Variants in CADPS observed in about 807,000 individuals in gnomAD.
CADPS encodes calcium-dependent secretion activator 1.
A neutral mutation model predicts 167.3 loss-of-function variants in CADPS; 57 were observed. The observed-to-expected ratio is 0.34, with a 90% CI of 0.28 to 0.42. CADPS has a LOEUF of 0.42. CADPS is among the 20% of genes least tolerant of loss of function. The pLI is 1.00. For synonymous variants in CADPS, 676 were observed against 635.3 expected, an observed-to-expected ratio of 1.06 and a Z score of -0.96; for missense variants, 1,414 against 1,738.1, an observed-to-expected ratio of 0.81 and a Z score of 3.32.
chr3:62,525,479 C>T lies in CADPS; in HGVS notation c.2292-7229G>A, dbSNP rs940634941. On this transcript the variant is annotated intron_variant, in intron 13 of 29. Coordinates refer to ENST00000383710, the MANE Select transcript of CADPS (RefSeq NM_003716.4). ...GGCCAGCCAGCAACATGCTCATGTTCACAAGTGCAATAATCTTTGTGTTCA... is the reference window on the plus strand; with the variant it reads ...GGCCAGCCAGCAACATGCTCATGTTTACAAGTGCAATAATCTTTGTGTTCA... Among the ~76,000 whole-genome samples, 35 of 152,102 alleles carry T rather than the reference C, an allele frequency of 2.3e-4. 1 individual carries two copies. Among genetic ancestry groups the T allele is most frequent in the Admixed American group, 2.3e-3 (35 of 15,268 alleles).
rs138816232 is a variant in CADPS at position 62,867,823 on chromosome 3, T to G, written c.441+6766A>C. 8.9e-3 allele frequency among the ~76,000 whole-genome samples: 1,348 copies of G among 152,182 alleles called. 20 individuals carry two copies. The highest frequency in any genetic ancestry group is 0.03 in the African/African-American group (1,248 of 41,546). The stretch of plus-strand genomic sequence containing the variant: ...ATTTTAACAGCTTTACTATATTATC[T>G]CAATTAATTTTCACAAAAACCCAAT... On this transcript the variant is annotated intron_variant, in intron 1 of 29. Transcript: ENST00000383710.
chr3:62,756,969 T>G (rs952080737), intron 2 of CADPS, among the ~76,000 whole-genome samples: 1 of 152,024 alleles, frequency 6.6e-6, no homozygotes, highest in Non-Finnish European at 1.5e-5. Flanking sequence ...TGGAAAGCCA[T>G]TGAAAGTTTT....
chr3:62,712,545 A>G (rs573739507), intron 3 of CADPS, among the ~76,000 whole-genome samples: 3 of 152,246 alleles, frequency 2.0e-5, no homozygotes, highest in African/African-American at 7.2e-5. Context: ...GCGTTTCTTA[A>G]ATGATGAATT....
intron 9 of CADPS, among the ~76,000 whole-genome samples, chr3:62,558,619 T>C (rs2078609244): frequency 6.6e-6 from 1 of 152,128 alleles, no homozygotes; most frequent in South Asian, 2.1e-4. Context: ...GTTTTAATGG[T>C]GATAAGAAAT....
intron 21 of CADPS, among the ~76,000 whole-genome samples, chr3:62,487,248 C>G (rs566480949): frequency 6.6e-6 from 1 of 152,240 alleles, no homozygotes; most frequent in South Asian, 2.1e-4. Flanking sequence ...AGCTACTAGA[C>G]TTGGTAAGAC....
intron 17 of CADPS, among the ~76,000 whole-genome samples, chr3:62,506,706 T>A (rs1393073063): frequency 6.6e-6 from 1 of 152,170 alleles, no homozygotes; most frequent in Non-Finnish European, 1.5e-5. Context: ...GGAAGCCACA[T>A]GAGCTACACC....
rs926019680 is a variant in CADPS, at chr3:62,420,693, G to T, written c.3777+17411C>A. Among the ~76,000 whole-genome samples the T allele has an allele frequency of 6.6e-6, 1 of 152,164 alleles. No homozygotes were observed. Among genetic ancestry groups the T allele is most frequent in the Non-Finnish European group, 1.5e-5 (1 of 68,036 alleles). On this transcript the variant is annotated intron_variant, in intron 28 of 29. Transcript: ENST00000383710. The surrounding 1 kb of genome is among the most constrained non-coding windows in gnomAD (Gnocchi z 4.1). ...GGAATGAGGAAAATAAAGACAAAGTGCTGCTTTTTAAAAGTTAACATGTGT... is the reference window on the plus strand; with the variant it reads ...GGAATGAGGAAAATAAAGACAAAGTTCTGCTTTTTAAAAGTTAACATGTGT...
intron 28 of CADPS, among the ~76,000 whole-genome samples, chr3:62,413,524 G>A (rs1015650834): frequency 6.6e-6 from 1 of 152,148 alleles, no homozygotes; most frequent in African/African-American, 2.4e-5. Flanking sequence ...AGTCAGTCAC[G>A]AAAAGATAAA....
intron 23 of CADPS, among the ~76,000 whole-genome samples, chr3:62,475,988 G>C (rs1357721420): frequency 2.0e-5 from 3 of 152,294 alleles, no homozygotes; most frequent in East Asian, 3.9e-4. Flanking sequence ...ATATGACTGA[G>C]AGGGCTCTGT....
At chr3:62,466,214 C>A in intron 25 of CADPS, 125 bp downstream of exon 25, 1 of 657,984 alleles carries the variant, frequency 1.5e-6, no homozygotes, top group South Asian at 1.9e-5. Context: ...GGGTGATGTA[C>A]AATCTTGTTT....
intron 8 of CADPS, among the ~76,000 whole-genome samples, 197 bp downstream of exon 8, chr3:62,584,988 T>C (rs1234054049): frequency 6.6e-6 from 1 of 152,256 alleles, no homozygotes; most frequent in Non-Finnish European, 1.5e-5. Context: ...TTTTCTATTT[T>C]GACAGCAAAA....
At chr3:62,833,009 A>G (rs1174593001) in intron 1 of CADPS, among the ~76,000 whole-genome samples, 1 of 152,146 alleles carries the variant, frequency 6.6e-6, no homozygotes, top group East Asian at 1.9e-4. Flanking sequence ...TTTTAAACAC[A>G]GTTGTATGTC....
chr3:62,427,340 C>A (rs183424010), intron 28 of CADPS, among the ~76,000 whole-genome samples: 1 of 152,098 alleles, frequency 6.6e-6, no homozygotes, highest in African/African-American at 2.4e-5. Context: ...GGTAGAATAT[C>A]CTTTAGAGAC....
At chr3:62,440,593 C>T (rs561654915) in intron 27 of CADPS, 1 of 148,460 alleles carries the variant, frequency 6.7e-6, no homozygotes, top group South Asian at 2.2e-4. Flanking sequence ...GAGGAGCCAA[C>T]GTCAAAATAA....
At chr3:62,425,946 C>T (rs1233501545) in intron 28 of CADPS, among the ~76,000 whole-genome samples, 1 of 152,186 alleles carries the variant, frequency 6.6e-6, no homozygotes, top group Non-Finnish European at 1.5e-5. Flanking sequence ...TTGAGGCTTC[C>T]ATCTCACTGG....
At chr3:62,853,910 C>T (rs1350401940) in intron 1 of CADPS, among the ~76,000 whole-genome samples, 1 of 152,114 alleles carries the variant, frequency 6.6e-6, no homozygotes, top group Non-Finnish European at 1.5e-5. Flanking sequence ...GACCTGTGAT[C>T]TTTCCACAGC....
chr3:62,657,885 G>A (rs2072109376), intron 4 of CADPS, among the ~76,000 whole-genome samples: 1 of 151,938 alleles, frequency 6.6e-6, no homozygotes, highest in Non-Finnish European at 1.5e-5. Flanking sequence ...AAATAACCAG[G>A]GTCCCTACAA....
intron 6 of CADPS, among the ~76,000 whole-genome samples, chr3:62,639,790 C>G (rs1054024829): frequency 1.3e-5 from 2 of 152,126 alleles, no homozygotes; most frequent in African/African-American, 2.4e-5. Context: ...CTGCCCTGCT[C>G]TCTGCACTCT....
At chr3:62,447,436 C>A (rs938652402) in intron 26 of CADPS, among the ~76,000 whole-genome samples, 9 of 152,118 alleles carry the variant, frequency 5.9e-5, no homozygotes, top group Non-Finnish European at 1.0e-4. Flanking sequence ...GATTGCAATT[C>A]AGCCGAAATT....
Sources: allele counts gnomAD v4.1 joint callset (sites outside exome capture counted in the v4.1 genomes callset), GRCh38; gene constraint gnomAD v4.1.1; non-coding constraint Gnocchi (gnomAD v3.1); transcripts MANE v1.5; gene names NCBI Gene and HGNC (gene_info 2026-07-23, HGNC 2026-07-21).